KCNB2: variants seen among roughly 807,000 people sequenced by gnomAD.
The protein encoded by KCNB2 is delayed rectifier potassium channel protein.
Under a neutral mutation model 61.5 loss-of-function variants are expected in KCNB2, and 15 were observed. The observed-to-expected ratio is 0.24, with a 90% CI of 0.16 to 0.38. The LOEUF (loss-of-function observed/expected upper bound fraction) is 0.38, where lower values mean the gene tolerates loss of function less well. KCNB2 is among the 10% of genes least tolerant of loss of function. KCNB2 has a pLI of 1.00. For synonymous variants in KCNB2, 457 were observed against 446.0 expected (o/e 1.02, Z -0.31); for missense variants, 828 against 1,125.2 (o/e 0.74, Z 3.78).
At chr8:72,823,877 AC>A (rs1809552815) in intron 2 of KCNB2, among the ~76,000 whole-genome samples, 1 of 152,160 alleles carries the variant, frequency 6.6e-6, no homozygotes, top group Admixed American at 6.5e-5. Context: ...CACAGGCTTT[AC>A]TTACACCTCT....
At chr8:72,688,862 G>C (rs1043246094) in intron 2 of KCNB2, among the ~76,000 whole-genome samples, 2 of 152,086 alleles carry the variant, frequency 1.3e-5, no homozygotes, top group Non-Finnish European at 2.9e-5. Context: ...AAGTAGCTGG[G>C]ACTACAAGGG....
chr8:72,557,975 A>G (rs1044611210), intron 1 of KCNB2, among the ~76,000 whole-genome samples: 1 of 152,254 alleles, frequency 6.6e-6, no homozygotes, highest in African/African-American at 2.4e-5. Context: ...AACTGGTATT[A>G]TGCTAACCAA....
intron 2 of KCNB2, among the ~76,000 whole-genome samples, chr8:72,805,525 A>T (rs78452198): frequency 0.019 from 2,931 of 152,278 alleles, 88 homozygotes; most frequent in African/African-American, 0.066. Context: ...GCATACAGCT[A>T]TGTTCTCAAA....
chr8:72,731,597 C>T (rs184622496), intron 2 of KCNB2, among the ~76,000 whole-genome samples: 3 of 152,274 alleles, frequency 2.0e-5, no homozygotes, highest in Non-Finnish European at 2.9e-5. Flanking sequence ...TGCAGTGTGG[C>T]GCTTAGTCAC....
At chr8:72,849,165 T>TTTTTTG (rs1810050084) in intron 2 of KCNB2, among the ~76,000 whole-genome samples, 1 of 151,310 alleles carries the variant, frequency 6.6e-6, no homozygotes, top group African/African-American at 2.4e-5. Flanking sequence ...TTTTTTTTAT[T>TTTTTTG]TTACAATATC....
chr8:72,733,556 G>T (rs1563574324), intron 2 of KCNB2, among the ~76,000 whole-genome samples: 1 of 152,074 alleles, frequency 6.6e-6, no homozygotes, highest in Non-Finnish European at 1.5e-5. Flanking sequence ...TGTAAAGCAG[G>T]GATTATAATG....
chr8:72,912,489 CATATATATAT>C (rs5892374), intron 2 of KCNB2, among the ~76,000 whole-genome samples: 16,735 of 137,302 alleles, frequency 0.12, 1,182 homozygotes, highest in African/African-American at 0.2. Context: ...AGCTTTTATT[CATATATATAT>C]ATATATATAT....
intron 2 of KCNB2, among the ~76,000 whole-genome samples, chr8:72,723,206 A>G (rs1264099822): frequency 6.6e-6 from 1 of 152,214 alleles, no homozygotes; most frequent in East Asian, 1.9e-4. Flanking sequence ...CAGAAGTGAA[A>G]TTCCTCTTAA....
intron 1 of KCNB2, among the ~76,000 whole-genome samples, chr8:72,554,359 T>A (rs1373583436): frequency 6.6e-6 from 1 of 152,136 alleles, no homozygotes; most frequent in Non-Finnish European, 1.5e-5. Flanking sequence ...TATTTTATGG[T>A]CTTTTTCCAT....
At chr8:72,697,495 A>G (rs1292156180) in intron 2 of KCNB2, among the ~76,000 whole-genome samples, 2 of 152,160 alleles carry the variant, frequency 1.3e-5, no homozygotes, top group Non-Finnish European at 2.9e-5. Flanking sequence ...AGCAAGGTGC[A>G]GTGGCAGGTG....
At chr8:72,841,541 G>A (rs994349513) in intron 2 of KCNB2, among the ~76,000 whole-genome samples, 8 of 151,908 alleles carry the variant, frequency 5.3e-5, no homozygotes, top group African/African-American at 9.7e-5. Flanking sequence ...CCATTTTCAC[G>A]ATATTGATTC....
chr8:72,554,890 T>C (rs1446261152), intron 1 of KCNB2, among the ~76,000 whole-genome samples: 1 of 152,076 alleles, frequency 6.6e-6, no homozygotes, highest in African/African-American at 2.4e-5. Flanking sequence ...GTAGATGTTA[T>C]ACATGTCATT....
intron 2 of KCNB2, among the ~76,000 whole-genome samples, chr8:72,741,421 A>G (rs191241770): frequency 5.3e-5 from 8 of 151,986 alleles, no homozygotes; most frequent in Admixed American, 3.9e-4. Context: ...TTCTTTTCTT[A>G]TTATTATTAT....
At chr8:72,919,229 C>T (rs373250157) in intron 2 of KCNB2, among the ~76,000 whole-genome samples, 4 of 152,146 alleles carry the variant, frequency 2.6e-5, no homozygotes, top group East Asian at 1.9e-4. Context: ...CAGCACTATA[C>T]GGAGGAACAG....
intron 2 of KCNB2, among the ~76,000 whole-genome samples, chr8:72,911,527 A>T (rs1806292346): frequency 6.6e-6 from 1 of 152,250 alleles, no homozygotes; most frequent in African/African-American, 2.4e-5. Context: ...CCAAGACTGT[A>T]CCATGACATC....
chr8:72,540,484 A>C (rs1806173154), intron 1 of KCNB2, among the ~76,000 whole-genome samples: 1 of 152,092 alleles, frequency 6.6e-6, no homozygotes, highest in African/African-American at 2.4e-5. Flanking sequence ...TTTCTTTTTT[A>C]GCCCAGAGTT....
chr8:72,817,400 G>T (rs1215748356), intron 2 of KCNB2, among the ~76,000 whole-genome samples: 1 of 152,128 alleles, frequency 6.6e-6, no homozygotes, highest in Non-Finnish European at 1.5e-5. Context: ...ATCAGAAAGA[G>T]ACATAGCAAA....
chr8:72,638,643 C>T (rs1351994597), intron 2 of KCNB2, among the ~76,000 whole-genome samples: 1 of 152,094 alleles, frequency 6.6e-6, no homozygotes, highest in African/African-American at 2.4e-5. Context: ...TCACACAAGC[C>T]GGCAGTGTCC....
Position 72,903,967 on chromosome 8 carries a change from C to T in KCNB2, c.580-31968C>T, listed in dbSNP as rs146444953. 7.9e-5 allele frequency among the ~76,000 whole-genome samples: 12 copies of T among 152,196 alleles called. No individual in the cohort carries two copies. In the Middle Eastern group the frequency reaches 0.014, roughly 173 times the overall value. ...CCGTGCAGAAATATAAACAAATAAC[C>T]ACAGTCCAAAGCTGCCTTACTCCCA... On this transcript the variant is annotated intron_variant, in intron 2 of 2. Transcript: ENST00000523207.
Sources: allele counts gnomAD v4.1 joint callset (sites outside exome capture counted in the v4.1 genomes callset), GRCh38; gene constraint gnomAD v4.1.1; transcripts MANE v1.5; gene names NCBI Gene and HGNC (gene_info 2026-07-23, HGNC 2026-07-21).